CARHSP1: variants seen among roughly 807,000 people sequenced by gnomAD.
The protein encoded by CARHSP1 is calcium-regulated heat-stable protein 1.
CARHSP1 carries 14 observed loss-of-function variants against 12.5 expected under a neutral mutation model. The ratio of observed to expected loss-of-function variants is 1.12; its 90% CI spans 0.74 to 1.75. The LOEUF is 1.75. Ranked by LOEUF, CARHSP1 falls within the 40% of genes most tolerant of loss-of-function variation. The pLI is 0.00. For synonymous variants in CARHSP1, 161 were observed against 82.0 expected (o/e 1.96, Z -5.20); for missense variants, 343 against 201.6 (o/e 1.70, Z -4.25).
intron 3 of CARHSP1, chr16:8,857,832 G>A (rs1337370430): frequency 2.0e-5 from 3 of 147,686 alleles, no homozygotes; most frequent in East Asian, 4.0e-4. Flanking sequence ...CGCAATCTCG[G>A]CTCATTGCAA....
chr16:8,859,364 C>A (rs372571690), intron 1 of CARHSP1, 29 bp from the exon 2 acceptor site: 2 of 1,582,754 alleles, frequency 1.3e-6, no homozygotes, highest in African/African-American at 1.4e-5. Context: ...GTCAGGGGCT[C>A]GTGCCTTGCA....
At position 8,864,191 on chromosome 16, in the gene CARHSP1, T is replaced by G. The variant is rs570679655; in HGVS notation, c.-8+4775A>C. Among the ~76,000 whole-genome samples, 6 of 152,352 alleles carry G rather than the reference T, an allele frequency of 3.9e-5. No individual in the cohort carries two copies. In the East Asian group the frequency reaches 9.7e-4, roughly 25 times the overall value. On this transcript the variant is annotated intron_variant, in intron 1 of 3. Transcript: ENST00000311052. ...TGTGTGTGCTGTGTATATACGCATG[T>G]GTACACATACATATGTGCCCACACA... is the stretch of plus-strand genomic sequence containing the variant.
At chr16:8,863,837 A>G (rs1442161964) in intron 1 of CARHSP1, among the ~76,000 whole-genome samples, 2 of 152,164 alleles carry the variant, frequency 1.3e-5, no homozygotes, top group African/African-American at 4.8e-5. Flanking sequence ...TGTCCCCTCC[A>G]CAATACACAC....
intron 3 of CARHSP1, among the ~76,000 whole-genome samples, chr16:8,857,205 T>A (rs928599962): frequency 2.8e-5 from 4 of 144,822 alleles, no homozygotes; most frequent in Admixed American, 1.4e-4. Context: ...ACAAGCATAG[T>A]CGGGCACCCC....
chr16:8,860,090 G>T, intron 1 of CARHSP1: 1 of 973,712 alleles, frequency 1.0e-6, no homozygotes, highest in South Asian at 4.8e-5. Flanking sequence ...CAGGGAAGCA[G>T]GGGCAAAAAC....
In CARHSP1 at chr16:8,857,258, G is replaced by C. The variant is rs562427764; in HGVS notation, c.281+1092C>G. On this transcript the variant is annotated intron_variant, in intron 3 of 3. Transcript: ENST00000311052. ...CTTTCTGGCTATGTGATCTTGGGCA[G>C]ATCTGTTTTTTTTTTTTTTTTTTTT... Among the ~76,000 whole-genome samples the C allele has an allele frequency of 5.0e-3, 396 of 78,892 alleles. 5 individuals carry two copies. The highest frequency in any genetic ancestry group is 8.1e-3 in the Non-Finnish European group (333 of 40,932). 51.8% of individuals were successfully genotyped at this position (78,892 alleles called of 152,430 possible).
rs1220454432 is a variant in CARHSP1, at chr16:8,863,738, G to A, written c.-7-4403C>T. On this transcript the variant is annotated intron_variant, in intron 1 of 3. Coordinates refer to ENST00000311052, the MANE Select transcript of CARHSP1 (RefSeq NM_014316.4). ...AATGGCCTCAGTGCGGGGGAGGGCCGGGCAAAGTCCAGCTGGAAAGAAAAC... is the reference window on the plus strand; with the variant it reads ...AATGGCCTCAGTGCGGGGGAGGGCCAGGCAAAGTCCAGCTGGAAAGAAAAC... Among the ~76,000 whole-genome samples, 9 of 152,224 alleles carry A rather than the reference G, an allele frequency of 5.9e-5. No homozygotes were observed. In the South Asian group the frequency reaches 8.3e-4, roughly 14 times the overall value.
At chr16:8,855,426 G>T in intron 3 of CARHSP1, 100 bp from the exon 4 acceptor site, 3 of 1,129,502 alleles carry the variant, frequency 2.7e-6, no homozygotes, top group South Asian at 2.3e-5. Context: ...ACCAAAGCAG[G>T]CACCATCTGA....
intron 3 of CARHSP1, among the ~76,000 whole-genome samples, chr16:8,856,232 T>G (rs28582075): frequency 0.25 from 37,368 of 152,064 alleles, 4,750 homozygotes; most frequent in African/African-American, 0.31. Context: ...CCCTCTCACA[T>G]GAGACTGGCA....
In CARHSP1 at chr16:8,855,049, G is replaced by C. The variant is rs2061052213; in HGVS notation, c.*115C>G. On this transcript the variant is annotated 3_prime_UTR_variant, in exon 4 of 4. Transcript: ENST00000311052. The stretch of plus-strand genomic sequence containing the variant: ...CTTCCTCCAGGAGATACTTGAGAGG[G>C]ACCATGCCCGGCTGAAGCCCCGTCT... The C allele has an allele frequency of 8.6e-6, 8 of 928,490 alleles. No homozygotes were observed. Among genetic ancestry groups the C allele is most frequent in the Non-Finnish European group, 1.2e-5 (8 of 659,278 alleles). 57.5% of individuals were successfully genotyped at this position (928,490 alleles called of 1,614,324 possible).
intron 1 of CARHSP1, chr16:8,867,339 A>AAGGGGAC: frequency 6.6e-6 from 1 of 152,140 alleles, no homozygotes; most frequent in Non-Finnish European, 1.5e-5. Flanking sequence ...TCATCTGTCA[A>AAGGGGAC]AGGGGACAGG....
chr16:8,855,831 G>T (rs1194776270), intron 3 of CARHSP1, among the ~76,000 whole-genome samples: 4 of 152,168 alleles, frequency 2.6e-5, no homozygotes, highest in African/African-American at 7.2e-5. Context: ...TTCCCAGCCT[G>T]CCTTTTTTTG....
chr16:8,860,848 G>A (rs953465681), intron 1 of CARHSP1, among the ~76,000 whole-genome samples: 2 of 151,690 alleles, frequency 1.3e-5, no homozygotes, highest in Admixed American at 1.3e-4. Context: ...GTCAGGAGTT[G>A]GAGACCAGCC....
rs200524268 is a variant in CARHSP1, at chr16:8,855,248, C to T, written c.360G>A (p.Lys120=). Residue 120 remains lysine (K), a synonymous_variant, in exon 4 of 4, where the codon AAG becomes AAA. Coordinates refer to ENST00000311052, the MANE Select transcript of CARHSP1 (RefSeq NM_014316.4). ...TGATGACGACCTCCACGGCCTGCAG[C>T]TTCTCATTCTTGGGTGGGATGGAGC... ...KMCSIPPKNE[K]LQAVEVVITH... 4.3e-6 allele frequency: 7 copies of T among 1,613,442 alleles called. No individual in the cohort carries two copies. Among genetic ancestry groups the T allele is most frequent in the Non-Finnish European group, 5.9e-6 (7 of 1,179,588 alleles).
rs1058927 is a variant in CARHSP1, at chr16:8,853,425, T to G, written c.*1739A>C. The G allele has an allele frequency of 1.3e-5, 2 of 151,738 alleles. No homozygotes were observed. Among genetic ancestry groups the G allele is most frequent in the African/African-American group, 4.8e-5 (2 of 41,246 alleles). The allele number at this position is 151,738 out of a possible 1,614,324, so 9.4% of individuals were successfully genotyped here. A position where few individuals can be genotyped will look rare whatever the true frequency, so the allele number is the denominator to read the frequency against. The stretch of plus-strand genomic sequence containing the variant: ...AGGAGCATCGCAGGCGAGGAAACAA[T>G]GGCCAGGACCTAACTGTGGTGGGAA... On this transcript the variant is annotated 3_prime_UTR_variant, in exon 4 of 4. Transcript: ENST00000311052.
intron 1 of CARHSP1, among the ~76,000 whole-genome samples, chr16:8,861,989 CTTTTTTTTT>C (rs537614451): frequency 0.091 from 7,237 of 79,876 alleles, 357 homozygotes; most frequent in Middle Eastern, 0.22. Flanking sequence ...GCATAGCTGA[CTTTTTTTTT>C]TTTTTTTTTT....
At chr16:8,861,379 A>G (rs2061349514) in intron 1 of CARHSP1, among the ~76,000 whole-genome samples, 1 of 151,524 alleles carries the variant, frequency 6.6e-6, no homozygotes, top group African/African-American at 2.4e-5. Context: ...CTGCTCATGG[A>G]AAGAAATGAA....
chr16:8,866,075 T>TC (rs1202019288), intron 1 of CARHSP1, among the ~76,000 whole-genome samples: 1 of 152,158 alleles, frequency 6.6e-6, no homozygotes, highest in Non-Finnish European at 1.5e-5. Flanking sequence ...CACTTCAGCC[T>TC]CCCAAGTAGC....
At chr16:8,855,370 C>T (rs2141068883) in intron 3 of CARHSP1, 44 bp from the exon 4 acceptor site, 2 of 1,427,812 alleles carry the variant, frequency 1.4e-6, no homozygotes, top group Non-Finnish European at 9.3e-7. Flanking sequence ...CACCGGGACA[C>T]AGCTCCCTTC....
Sources: gnomAD v4.1 joint callset for allele counts (sites outside exome capture counted in the v4.1 genomes callset) on GRCh38, gnomAD v4.1.1 for gene constraint, MANE v1.5 for transcripts, NCBI Gene and HGNC (gene_info 2026-07-23, HGNC 2026-07-21) for gene names.